Variants in MACROD2 observed in about 807,000 individuals in gnomAD.
MACROD2 encodes ADP-ribose glycohydrolase MACROD2.
MACROD2 carries 36 observed loss-of-function variants against 70.4 expected under a neutral mutation model. The observed-to-expected ratio is 0.51, with a 90% confidence interval of 0.39 to 0.68. The LOEUF (loss-of-function observed/expected upper bound fraction) is 0.68, where lower values mean the gene tolerates loss of function less well. Ranked by LOEUF, MACROD2 falls within the 30% of genes least tolerant of loss-of-function variation. MACROD2 has a pLI of 0.00. For missense variants in MACROD2, 496 were observed against 538.4 expected (o/e 0.92, Z 0.78); for synonymous variants, 172 against 178.8 (o/e 0.96, Z 0.30).
chr20:15,534,542 A>G (rs561625607), intron 8 of MACROD2, among the ~76,000 whole-genome samples: 304 of 152,252 alleles, frequency 2.0e-3, no homozygotes, highest in African/African-American at 7.2e-3. Context: ...AAAGTAATTT[A>G]TGCTTTTTTT....
intron 6 of MACROD2, among the ~76,000 whole-genome samples, chr20:15,305,472 G>A (rs1413388023): frequency 4.6e-5 from 7 of 152,098 alleles, no homozygotes; most frequent in Admixed American, 2.6e-4. Flanking sequence ...TGCACTGTTT[G>A]TTGCTATTGT....
intron 3 of MACROD2, among the ~76,000 whole-genome samples, chr20:14,233,698 C>CAAAAAAAA (rs1261096475): frequency 1.9e-3 from 52 of 26,870 alleles, no homozygotes; most frequent in Non-Finnish European, 2.4e-3. Context: ...CTCCGTCTCA[C>CAAAAAAAA]AAAAAAAAAA....
intron 3 of MACROD2, among the ~76,000 whole-genome samples, chr20:14,244,073 A>G (rs2081950114): frequency 6.6e-6 from 1 of 152,220 alleles, no homozygotes; most frequent in Admixed American, 6.5e-5. Flanking sequence ...TGTTATGTCT[A>G]GGCTTCTTTC....
chr20:15,399,718 C>T (rs1173640563), intron 6 of MACROD2, among the ~76,000 whole-genome samples: 1 of 152,230 alleles, frequency 6.6e-6, no homozygotes, highest in East Asian at 1.9e-4. Context: ...AGGTTGACTA[C>T]ATAACACCAT....
At chr20:14,412,285 T>A (rs897575162) in intron 3 of MACROD2, among the ~76,000 whole-genome samples, 1 of 152,216 alleles carries the variant, frequency 6.6e-6, no homozygotes, top group Non-Finnish European at 1.5e-5. Context: ...AGCCAGCTTT[T>A]TATCTTGATA....
At chr20:14,354,365 A>G (rs1235544272) in intron 3 of MACROD2, among the ~76,000 whole-genome samples, 2 of 152,110 alleles carry the variant, frequency 1.3e-5, no homozygotes, top group African/African-American at 4.8e-5. Context: ...AAATGTTTTT[A>G]TAACTTAAAT....
intron 8 of MACROD2, among the ~76,000 whole-genome samples, chr20:15,506,138 C>A (rs2047423573): frequency 6.6e-6 from 1 of 152,102 alleles, no homozygotes; most frequent in Non-Finnish European, 1.5e-5. Flanking sequence ...CCAGTGTGGT[C>A]TAGACCTCAC....
At chr20:14,882,696 C>T (rs777184391) in intron 5 of MACROD2, among the ~76,000 whole-genome samples, 5 of 152,046 alleles carry the variant, frequency 3.3e-5, no homozygotes, top group African/African-American at 9.7e-5. Flanking sequence ...GCGTTCAGAC[C>T]GTTAAGTTGA....
chr20:14,584,981 C>T (rs189088702), intron 4 of MACROD2, among the ~76,000 whole-genome samples: 1 of 152,148 alleles, frequency 6.6e-6, no homozygotes, highest in African/African-American at 2.4e-5. Context: ...CCTTTGGGAA[C>T]AAATCTTCTT....
intron 3 of MACROD2, among the ~76,000 whole-genome samples, chr20:14,403,128 A>G (rs2083656341): frequency 6.6e-6 from 1 of 152,158 alleles, no homozygotes; most frequent in Non-Finnish European, 1.5e-5. Context: ...TTTTCTCAAG[A>G]TGAGACAAAT....
At chr20:15,579,801 G>A (rs991697971) in intron 8 of MACROD2, among the ~76,000 whole-genome samples, 3 of 152,202 alleles carry the variant, frequency 2.0e-5, no homozygotes, top group African/African-American at 4.8e-5. Flanking sequence ...TTCCTAATGT[G>A]AATATGGATA....
At chr20:14,478,772 C>T (rs571666602) in intron 3 of MACROD2, among the ~76,000 whole-genome samples, 1 of 152,110 alleles carries the variant, frequency 6.6e-6, no homozygotes, top group African/African-American at 2.4e-5. Context: ...AGGTTTACAT[C>T]GTAGGTCCTA....
chr20:14,937,558 G>A (rs182779715), intron 5 of MACROD2, among the ~76,000 whole-genome samples: 5 of 152,026 alleles, frequency 3.3e-5, no homozygotes. Context: ...TAATAATGAG[G>A]TATATTTATT....
chr20:14,312,703 A>T (rs181208843), intron 3 of MACROD2, among the ~76,000 whole-genome samples: 1 of 152,238 alleles, frequency 6.6e-6, no homozygotes, highest in Non-Finnish European at 1.5e-5. Context: ...GTCAGGCACT[A>T]CTATATTAAG....
intron 3 of MACROD2, among the ~76,000 whole-genome samples, chr20:14,089,117 A>AAACTACC (rs1235283201): frequency 6.6e-6 from 1 of 152,224 alleles, no homozygotes; most frequent in African/African-American, 2.4e-5. Context: ...GCTTACTCCC[A>AAACTACC]AAACGATTTG....
intron 4 of MACROD2, among the ~76,000 whole-genome samples, chr20:14,665,491 ATCT>A (rs923481875): frequency 3.3e-5 from 5 of 152,048 alleles, no homozygotes; most frequent in Admixed American, 1.3e-4. Flanking sequence ...AGCAGTGATT[ATCT>A]TCTTTTTTCT....
At chr20:14,114,628 T>A (rs2054493020) in intron 3 of MACROD2, among the ~76,000 whole-genome samples, 1 of 152,096 alleles carries the variant, frequency 6.6e-6, no homozygotes, top group Non-Finnish European at 1.5e-5. Flanking sequence ...AACAAATTAT[T>A]TCTAAGAAGG....
intron 5 of MACROD2, among the ~76,000 whole-genome samples, chr20:15,053,430 T>C (rs1461465489): frequency 6.6e-6 from 1 of 152,186 alleles, no homozygotes; most frequent in Admixed American, 6.5e-5. Flanking sequence ...TTGGAATTTC[T>C]ATCGTCCTTA....
chr20:14,997,164 A>G (rs1259908562), intron 5 of MACROD2, among the ~76,000 whole-genome samples: 1 of 152,138 alleles, frequency 6.6e-6, no homozygotes, highest in Admixed American at 6.5e-5. Context: ...GAGAAGGAAA[A>G]GGAGTGGGGA....
Sources: allele counts gnomAD v4.1 joint callset (sites outside exome capture counted in the v4.1 genomes callset), GRCh38; gene constraint gnomAD v4.1.1; transcripts MANE v1.5; gene names NCBI Gene and HGNC (gene_info 2026-07-23, HGNC 2026-07-21).